ABCB7: variants seen among roughly 807,000 people sequenced by gnomAD.
The protein encoded by ABCB7 is iron-sulfur clusters transporter ABCB7, mitochondrial.
ABCB7 carries 7 observed loss-of-function variants against 54.4 expected under a neutral mutation model. The observed-to-expected ratio is 0.13, with a 90% CI of 0.07 to 0.24. ABCB7 has a LOEUF of 0.24. ABCB7 is among the 10% of genes least tolerant of loss of function. The pLI is 1.00. For synonymous variants in ABCB7, 218 were observed against 207.1 expected, an observed-to-expected ratio of 1.05 and a Z score of -0.45; for missense variants, 356 against 570.4, an observed-to-expected ratio of 0.62 and a Z score of 3.83.
Position 75,118,418 on chromosome X carries a change from GCA to G in ABCB7, c.169-3589_169-3588del, listed in dbSNP as rs2081843395. ...AAGGCCTTTTTTTTTTTTTTAAAGA[GCA>G]CTGTGGTTAAAAGTCAGCTTAATTA... is the stretch of plus-strand genomic sequence containing the variant. On this transcript the variant is annotated intron_variant, in intron 1 of 15. Transcript: ENST00000373394. Among the ~76,000 whole-genome samples the G allele has an allele frequency of 4.7e-5, 5 of 107,127 alleles. No homozygotes were observed. In the South Asian group the frequency reaches 2.1e-3, roughly 44 times the overall value. 93.0% of individuals were successfully genotyped at this position (107,127 alleles called of 115,157 possible).
At chrX:75,078,735 T>C (rs565395959) in intron 4 of ABCB7, among the ~76,000 whole-genome samples, 1 of 112,089 alleles carries the variant, frequency 8.9e-6, no homozygotes, top group South Asian at 3.8e-4. Context: ...GGTCTGACAC[T>C]TGAAGTTAGA....
At chrX:75,079,818 T>A (rs970361378) in intron 4 of ABCB7, among the ~76,000 whole-genome samples, 4 of 111,529 alleles carry the variant, frequency 3.6e-5, no homozygotes, top group South Asian at 3.8e-4. Context: ...AACTATTCCA[T>A]CACCACAAGA....
chrX:75,117,417 T>C (rs964173835), intron 1 of ABCB7, among the ~76,000 whole-genome samples: 1 of 110,290 alleles, frequency 9.1e-6, no homozygotes, highest in East Asian at 2.9e-4. Context: ...AAGAATGGGA[T>C]TGGTTAGAGG....
Position 75,062,406 on chromosome X carries a change from A to G in ABCB7, c.1857T>C (p.Ile619=). The G allele has an allele frequency of 3.3e-6, 4 of 1,210,478 alleles. No individual in the cohort carries two copies. Among genetic ancestry groups the G allele is most frequent in the Non-Finnish European group, 3.4e-6 (3 of 894,458 alleles). ...LSGGEKQRVA[I]ARAILKDPPV... is the part of the protein sequence containing the mutation. Reference sequence around the variant, plus strand: ...GGGGGTCCTTCAAAATGGCTCTTGCAATTGCTACTCTTTGCTTTTCTCCTC... The same window carrying G: ...GGGGGTCCTTCAAAATGGCTCTTGCGATTGCTACTCTTTGCTTTTCTCCTC... The change falls in exon 14 of 16, where the codon ATT becomes ATC. Residue 619 remains isoleucine (I), a synonymous_variant. Transcript: ENST00000373394.
chrX:75,104,460 C>A (rs2081671607), intron 3 of ABCB7, among the ~76,000 whole-genome samples: 1 of 109,722 alleles, frequency 9.1e-6, no homozygotes, highest in Non-Finnish European at 1.9e-5. Context: ...ATATAAATTT[C>A]TGGAAATGTA....
chrX:75,121,141 T>G (rs765798566), intron 1 of ABCB7, among the ~76,000 whole-genome samples: 10 of 109,170 alleles, frequency 9.2e-5, no homozygotes, highest in Non-Finnish European at 1.5e-4. Flanking sequence ...ATACAAAAAT[T>G]AGCCAGGTAT....
chrX:75,139,497 C>G (rs1243895282), intron 1 of ABCB7, among the ~76,000 whole-genome samples: 1 of 112,126 alleles, frequency 8.9e-6, no homozygotes, highest in Non-Finnish European at 1.9e-5. Flanking sequence ...CCTGAAGTAA[C>G]TCTCTCATCT....
chrX:75,056,886 G>A (rs902602341), intron 15 of ABCB7, among the ~76,000 whole-genome samples: 4 of 111,259 alleles, frequency 3.6e-5, no homozygotes, highest in African/African-American at 6.5e-5. Context: ...CAATACACTA[G>A]GTTCAAATTT....
intron 12 of ABCB7, 51 bp from the exon 13 acceptor site, chrX:75,065,292 CTATT>C (rs1265119629): frequency 1.9e-6 from 2 of 1,042,144 alleles, no homozygotes; most frequent in Admixed American, 2.4e-5. Flanking sequence ...ATATCTCTCT[CTATT>C]TATGTTCATT....
At chrX:75,116,312 G>T (rs2081819344) in intron 1 of ABCB7, among the ~76,000 whole-genome samples, 1 of 82,144 alleles carries the variant, frequency 1.2e-5, no homozygotes, top group Non-Finnish European at 2.4e-5. Flanking sequence ...ACCACCCCAA[G>T]CCCCCCGCCC....
intron 12 of ABCB7, among the ~76,000 whole-genome samples, chrX:75,068,127 CAT>C (rs201722438): frequency 0.015 from 1,705 of 110,866 alleles, 26 homozygotes; most frequent in African/African-American, 0.043. Context: ...TCCTGACTAA[CAT>C]GTGGGATTTT....
chrX:75,128,613 C>T (rs1405675790), intron 1 of ABCB7, among the ~76,000 whole-genome samples: 3 of 111,622 alleles, frequency 2.7e-5, no homozygotes, highest in Admixed American at 9.5e-5. Flanking sequence ...TCTAATTAAA[C>T]TAAAGAGCTT....
intron 4 of ABCB7, among the ~76,000 whole-genome samples, chrX:75,093,704 CTT>C (rs1449683860): frequency 1.8e-5 from 2 of 108,155 alleles, no homozygotes; most frequent in Non-Finnish European, 3.8e-5. Flanking sequence ...TATAAGAACT[CTT>C]TGTACTTATT....
chrX:75,156,008 T>A, intron 1 of ABCB7, 97 bp downstream of exon 1: 1 of 1,004,223 alleles, frequency 1.0e-6, no homozygotes, highest in Non-Finnish European at 1.4e-6. Flanking sequence ...ATGACTTTCT[T>A]CTTGGTGCTC....
intron 15 of ABCB7, 44 bp downstream of exon 15, chrX:75,060,179 T>C (rs375614496): frequency 2.0e-6 from 2 of 1,021,175 alleles, no homozygotes; most frequent in African/African-American, 3.7e-5. Flanking sequence ...TATAACAATT[T>C]CCAGTGTTCC....
chrX:75,106,783 T>C (rs764576216), intron 3 of ABCB7, among the ~76,000 whole-genome samples: 80 of 111,557 alleles, frequency 7.2e-4, no homozygotes, highest in Middle Eastern at 4.6e-3. Flanking sequence ...ATATGTGGTA[T>C]AGAGTATCAT....
chrX:75,062,471 T>G, intron 13 of ABCB7, 40 bp from the exon 14 acceptor site: 1 of 1,019,921 alleles, frequency 9.8e-7, no homozygotes, highest in South Asian at 1.9e-5. Context: ...GCATAGTGCA[T>G]GCATATTTTA....
intron 15 of ABCB7, among the ~76,000 whole-genome samples, chrX:75,059,555 G>C (rs963870676): frequency 9.0e-6 from 1 of 110,948 alleles, no homozygotes; most frequent in African/African-American, 3.3e-5. Context: ...CTGAATGCAG[G>C]GTGGAAAACT....
intron 4 of ABCB7, among the ~76,000 whole-genome samples, chrX:75,094,575 TG>T (rs2081575144): frequency 1.8e-5 from 2 of 110,676 alleles, no homozygotes; most frequent in African/African-American, 6.6e-5. Flanking sequence ...TAGACGGGCA[TG>T]GTGGCATGCA....
Sources: gnomAD v4.1 joint callset for allele counts (sites outside exome capture counted in the v4.1 genomes callset) on GRCh38, gnomAD v4.1.1 for gene constraint, MANE v1.5 for transcripts, NCBI Gene and HGNC (gene_info 2026-07-23, HGNC 2026-07-21) for gene names.